Variants in NALF1 observed in about 807,000 individuals in gnomAD.
NALF1 encodes NALCN channel auxiliary factor 1.
Under a neutral mutation model 48.4 loss-of-function variants are expected in NALF1, and 3 were observed. The ratio of observed to expected loss-of-function variants is 0.06; its 90% CI spans 0.03 to 0.16. NALF1 has a LOEUF of 0.16. Ranked by LOEUF, NALF1 falls within the 10% of genes least tolerant of loss-of-function variation. The pLI, the probability that NALF1 is intolerant of heterozygous loss-of-function variation, is 1.00. For missense variants in NALF1, 526 were observed against 571.5 expected, an observed-to-expected ratio of 0.92 and a Z score of 0.81; for synonymous variants, 262 against 245.7, an observed-to-expected ratio of 1.07 and a Z score of -0.62.
chr13:107,339,042 G>A (rs1882617367), intron 1 of NALF1, among the ~76,000 whole-genome samples: 1 of 151,450 alleles, frequency 6.6e-6, no homozygotes, highest in African/African-American at 2.4e-5. Context: ...GCTGAGGCAG[G>A]AGAATGGCGT....
chr13:107,323,657 G>A (rs940864424), intron 1 of NALF1, among the ~76,000 whole-genome samples: 1 of 152,176 alleles, frequency 6.6e-6, no homozygotes, highest in Non-Finnish European at 1.5e-5. Flanking sequence ...GCCCAGAGCA[G>A]ACTCTAGTAC....
At chr13:107,441,299 A>G (rs1041249382) in intron 1 of NALF1, among the ~76,000 whole-genome samples, 3 of 152,218 alleles carry the variant, frequency 2.0e-5, no homozygotes, top group Admixed American at 6.5e-5. Context: ...TAAGTCAATA[A>G]CTATGAAGTT....
intron 1 of NALF1, among the ~76,000 whole-genome samples, chr13:107,816,326 A>T (rs1879161599): frequency 6.6e-6 from 1 of 152,220 alleles, no homozygotes; most frequent in African/African-American, 2.4e-5. Context: ...GAGGCTGCGA[A>T]GAAAAATAGG....
At chr13:107,632,520 C>A (rs971289855) in intron 1 of NALF1, among the ~76,000 whole-genome samples, 7 of 152,072 alleles carry the variant, frequency 4.6e-5, no homozygotes, top group African/African-American at 7.2e-5. Context: ...TGTAGGCATT[C>A]TCCAGAACTA....
At chr13:107,339,281 GTT>G (rs1189860312) in intron 1 of NALF1, among the ~76,000 whole-genome samples, 1 of 152,170 alleles carries the variant, frequency 6.6e-6, no homozygotes, top group African/African-American at 2.4e-5. Context: ...TATGTGTTGG[GTT>G]TATTTTTAAA....
intron 1 of NALF1, among the ~76,000 whole-genome samples, chr13:107,269,146 AGT>A (rs933140222): frequency 1.3e-5 from 2 of 151,396 alleles, no homozygotes; most frequent in Admixed American, 1.3e-4. Flanking sequence ...CGGGAGACAC[AGT>A]GAGACCCTGT....
At chr13:107,666,367 C>G (rs766391595) in intron 1 of NALF1, among the ~76,000 whole-genome samples, 1 of 152,096 alleles carries the variant, frequency 6.6e-6, no homozygotes, top group African/African-American at 2.4e-5. Flanking sequence ...TGTGCATTGT[C>G]TTCAGGATCA....
At chr13:107,299,195 C>T (rs7982308) in intron 1 of NALF1, among the ~76,000 whole-genome samples, 40,322 of 151,858 alleles carry the variant, frequency 0.27, 5,734 homozygotes, top group Non-Finnish European at 0.3. Flanking sequence ...TCCTTCTCAG[C>T]GCATCCGATT....
chr13:107,440,225 G>C lies in NALF1; in HGVS notation c.916-229470C>G, dbSNP rs145705831. ...TTGTAATACAATTAAACACTTTGTC[G>C]ACAAGAGTGGAGTACTGTACTTATC... On this transcript the variant is annotated intron_variant, in intron 1 of 2. Transcript: ENST00000375915. 3.7e-3 allele frequency among the ~76,000 whole-genome samples: 566 copies of C among 152,194 alleles called. 4 individuals carry two copies. Among genetic ancestry groups the C allele is most frequent in the African/African-American group, 0.013 (543 of 41,514 alleles).
intron 1 of NALF1, among the ~76,000 whole-genome samples, chr13:107,668,095 A>G (rs938770359): frequency 6.6e-6 from 1 of 152,184 alleles, no homozygotes; most frequent in Non-Finnish European, 1.5e-5. Flanking sequence ...TAGTTCAAGT[A>G]GTTTCCAGTC....
intron 1 of NALF1, among the ~76,000 whole-genome samples, chr13:107,504,277 C>G (rs1158303928): frequency 6.8e-6 from 1 of 146,680 alleles, no homozygotes; most frequent in African/African-American, 2.5e-5. Context: ...AAAAATCAAA[C>G]TCTGTTACCC....
intron 1 of NALF1, among the ~76,000 whole-genome samples, chr13:107,807,495 G>C (rs906120190): frequency 6.6e-6 from 1 of 152,212 alleles, no homozygotes; most frequent in Admixed American, 6.5e-5. Flanking sequence ...TGAGCCAGTA[G>C]ATGGCTGCCA....
At position 107,866,474 on chromosome 13, in the gene NALF1, A is replaced by C. The variant is rs1241650574; in HGVS notation, c.123T>G (p.Ser41=). The C allele has an allele frequency of 1.2e-6, 2 of 1,614,128 alleles. No individual in the cohort carries two copies. Among genetic ancestry groups the C allele is most frequent in the East Asian group, 2.2e-5 (1 of 44,860 alleles). Residue 41 remains serine (S), a synonymous_variant, in exon 1 of 3, where the codon TCT becomes TCG. Coordinates refer to ENST00000375915, the MANE Select transcript of NALF1 (RefSeq NM_001080396.3). The surrounding 1 kb of genome is among the most constrained non-coding windows in gnomAD (Gnocchi z 4.4). ...CTGTGAAAAACAAGAGAGATGCCAG[A>C]GACAGTCGCCATTTCTGAGCCCTCT... ...DSERAQKWRL[S]LASLLFFTVL...
intron 1 of NALF1, among the ~76,000 whole-genome samples, chr13:107,239,391 T>A (rs1028315501): frequency 6.6e-6 from 1 of 152,184 alleles, no homozygotes; most frequent in Admixed American, 6.5e-5. Context: ...TCTGGTCACA[T>A]GGCCTTCTCC....
At chr13:107,852,925 G>C (rs577192548) in intron 1 of NALF1, among the ~76,000 whole-genome samples, 2 of 152,054 alleles carry the variant, frequency 1.3e-5, no homozygotes, top group African/African-American at 2.4e-5. Flanking sequence ...TCATTTTGCG[G>C]TTTTCCTGGC....
chr13:107,175,318 T>C (rs1010347893), intron 2 of NALF1, among the ~76,000 whole-genome samples: 3 of 152,048 alleles, frequency 2.0e-5, no homozygotes, highest in African/African-American at 7.2e-5. Context: ...TTCCACCCAG[T>C]CTTCCTTATT....
chr13:107,478,947 A>G (rs983664093), intron 1 of NALF1, among the ~76,000 whole-genome samples: 2 of 152,194 alleles, frequency 1.3e-5, no homozygotes, highest in Non-Finnish European at 2.9e-5. Flanking sequence ...CTGACTTTCC[A>G]TGAAAGTAAC....
rs9583192 is a variant in NALF1 at position 107,746,398 on chromosome 13, A to G, written c.915+119284T>C. The stretch of plus-strand genomic sequence containing the variant: ...TAAATATCGATAACTGAATCTATAT[A>G]TATATTGTGTTGGAGAAAAATAAAA... On this transcript the variant is annotated intron_variant, in intron 1 of 2. Coordinates refer to ENST00000375915, the MANE Select transcript of NALF1 (RefSeq NM_001080396.3). Among the ~76,000 whole-genome samples, 232 of 152,310 alleles carry G rather than the reference A, an allele frequency of 1.5e-3. 1 individual carries two copies. Among genetic ancestry groups the G allele is most frequent in the African/African-American group, 5.3e-3 (222 of 41,572 alleles).
intron 1 of NALF1, among the ~76,000 whole-genome samples, chr13:107,481,091 G>C (rs1885247091): frequency 6.6e-6 from 1 of 152,120 alleles, no homozygotes; most frequent in Non-Finnish European, 1.5e-5. Flanking sequence ...TTTTGAGGCA[G>C]CCCTGGCTTT....
Sources: gnomAD v4.1 joint callset for allele counts (sites outside exome capture counted in the v4.1 genomes callset) on GRCh38, gnomAD v4.1.1 for gene constraint, Gnocchi (gnomAD v3.1) non-coding constraint, MANE v1.5 for transcripts, NCBI Gene and HGNC (gene_info 2026-07-23, HGNC 2026-07-21) for gene names.